The following VDAC3 variants were observed in gnomAD, a reference collection of about 807,000 sequenced individuals.
VDAC3 encodes voltage dependent anion channel 3.
A neutral mutation model predicts 33.9 loss-of-function variants in VDAC3; 7 were observed. The observed-to-expected ratio is 0.21, with a 90% CI of 0.12 to 0.39. VDAC3 has a LOEUF of 0.39. VDAC3 is among the 10% of genes least tolerant of loss of function. The probability of loss-of-function intolerance (pLI) is 1.00; values close to 1 mark genes in which losing one functional copy is unlikely to be tolerated. For missense variants in VDAC3, 261 were observed against 334.5 expected (o/e 0.78, Z 1.71); for synonymous variants, 100 against 122.4 (o/e 0.82, Z 1.21).
intron 4 of VDAC3, chr8:42,397,288 G>C (rs1411138603): frequency 6.6e-6 from 1 of 151,874 alleles, no homozygotes; most frequent in East Asian, 1.9e-4. Flanking sequence ...TTTTTACTAA[G>C]GCCTTCCCCT....
At chr8:42,404,975 A>ATCT (rs754144864) in intron 9 of VDAC3, 51 bp downstream of exon 9, 2 of 1,530,830 alleles carry the variant, frequency 1.3e-6, no homozygotes, top group African/African-American at 1.4e-5. Flanking sequence ...GTGATAGAGA[A>ATCT]AACAATGAAA....
intron 7 of VDAC3, 176 bp downstream of exon 7, chr8:42,402,191 C>A: frequency 1.4e-6 from 1 of 690,856 alleles, no homozygotes; most frequent in Non-Finnish European, 2.4e-6. Context: ...GGTGTGCAGG[C>A]TGTGCTGCTG....
chr8:42,397,515 A>G (rs1268215018), intron 4 of VDAC3: 1 of 152,236 alleles, frequency 6.6e-6, no homozygotes, highest in Non-Finnish European at 1.5e-5. Context: ...CTAAAACAGG[A>G]CCAATCAGAA....
In VDAC3 at chr8:42,405,457, G is replaced by C; in HGVS notation, c.847G>C (p.Ala283Pro). The C allele has an allele frequency of 6.2e-7, 1 of 1,611,828 alleles. No individual in the cohort carries two copies. Among genetic ancestry groups the C allele is most frequent in the South Asian group, 1.1e-5 (1 of 90,976 alleles). Reference sequence around the variant, plus strand: ...GGTTGGCTTGGGATTTGAACTGGAAGCTTAATGTGGTTTGAGGAAAGCATC... The same window carrying C: ...GGTTGGCTTGGGATTTGAACTGGAACCTTAATGTGGTTTGAGGAAAGCATC... Reference protein sequence around the residue: ...HKVGLGFELEA With the variant: ...HKVGLGFELEP Residue 283 changes from alanine (A) to proline (P), a missense_variant, in exon 10 of 10, where the codon GCT becomes CCT. Transcript: ENST00000022615.
In VDAC3 at chr8:42,401,991, C is replaced by T. The variant is rs145434590; in HGVS notation, c.527C>T (p.Ala176Val). 1.4e-5 allele frequency: 23 copies of T among 1,614,208 alleles called. No individual in the cohort carries two copies. The Admixed American group carries it at 1.7e-4, about 12-fold the overall frequency. Residue 176 changes from alanine to valine, a missense_variant, in exon 7 of 10, where the codon GCG (alanine) becomes GTG (valine). Transcript: ENST00000022615. ...QNNFALGYKAADFQLHTHVND... is the reference protein window; with the variant it reads ...QNNFALGYKAVDFQLHTHVND... ...AATTTCGCCCTGGGTTACAAGGCTGCGGACTTCCAGCTGCACACACATGTG... is the reference window on the plus strand; with the variant it reads ...AATTTCGCCCTGGGTTACAAGGCTGTGGACTTCCAGCTGCACACACATGTG...
chr8:42,396,763 T>C (rs909898075), intron 4 of VDAC3: 10 of 654,174 alleles, frequency 1.5e-5, no homozygotes, highest in Admixed American at 1.4e-4. Flanking sequence ...ATTTCAATCA[T>C]TGTTCCAAAT....
At chr8:42,392,496 C>A (rs759203278) in intron 1 of VDAC3, among the ~76,000 whole-genome samples, 23 of 152,196 alleles carry the variant, frequency 1.5e-4, no homozygotes, top group Non-Finnish European at 2.9e-4. Flanking sequence ...TAGCTTTACT[C>A]TCGAGGAACA....
In VDAC3 at chr8:42,399,657, GA is replaced by G; in HGVS notation, c.279del (p.Leu95Ter). ...TEISWENKLA[E>X]GLKLTLDTIF... Reference sequence around the variant, plus strand: ...TTAAATCTTTGTTTTTCAGTTGGCTGAAGGGTTGAAACTGACTCTTGATACC... The same window carrying G: ...TTAAATCTTTGTTTTTCAGTTGGCTGAGGGTTGAAACTGACTCTTGATACC... On this transcript the variant is annotated frameshift_variant, in exon 6 of 10. Transcript: ENST00000022615. LOFTEE classifies it high-confidence loss of function. 1 of 1,610,082 alleles carries G rather than the reference GA, an allele frequency of 6.2e-7. No homozygotes were observed. Among genetic ancestry groups the G allele is most frequent in the Non-Finnish European group, 8.5e-7 (1 of 1,177,722 alleles).
In VDAC3 at chr8:42,395,147, A is replaced by G. The variant is rs747533993; in HGVS notation, c.117+14A>G. 1.9e-6 allele frequency: 3 copies of G among 1,613,674 alleles called. No homozygotes were observed. The highest frequency in any genetic ancestry group is 1.1e-5 in the South Asian group (1 of 91,060). On this transcript the variant is annotated intron_variant, in intron 4 of 9. Transcript: ENST00000022615. ...TGTAGTGGAGTGGTGAGTATCTAAT[A>G]TATTTTTAATGAATGTAACATAATT...
chr8:42,402,582 G>A (rs966217392), intron 7 of VDAC3, among the ~76,000 whole-genome samples: 8 of 152,146 alleles, frequency 5.3e-5, no homozygotes, highest in African/African-American at 7.2e-5. Flanking sequence ...GAACTTTTAC[G>A]TAGTATTTTA....
At chr8:42,398,365 TAC>T (rs1442753958) in intron 4 of VDAC3, among the ~76,000 whole-genome samples, 5 of 152,252 alleles carry the variant, frequency 3.3e-5, no homozygotes, top group Admixed American at 3.3e-4. Flanking sequence ...AGGCTGGGAC[TAC>T]AGTCACGTGC....
At chr8:42,403,622 T>C (rs1176737320) in intron 8 of VDAC3, among the ~76,000 whole-genome samples, 161 bp downstream of exon 8, 1 of 152,240 alleles carries the variant, frequency 6.6e-6, no homozygotes, top group African/African-American at 2.4e-5. Context: ...ACGCCTGTAT[T>C]CCCAGCACTT....
Position 42,398,590 on chromosome 8 carries a change from G to C in VDAC3, c.118-122G>C, listed in dbSNP as rs1002643736. On this transcript the variant is annotated intron_variant, in intron 4 of 9. Coordinates refer to ENST00000022615, the MANE Select transcript of VDAC3 (RefSeq NM_005662.7). ...GGAAAGGAGGAAAGAAGTTGCTCTAGAGTAGGGCTGTGGCAAGCAGTAAAT... is the reference window on the plus strand; with the variant it reads ...GGAAAGGAGGAAAGAAGTTGCTCTACAGTAGGGCTGTGGCAAGCAGTAAAT... 1.7e-5 allele frequency: 18 copies of C among 1,055,676 alleles called. No homozygotes were observed. The Admixed American group carries it at 4.5e-4, about 26-fold the overall frequency. 65.4% of individuals were successfully genotyped at this position (1,055,676 alleles called of 1,614,324 possible). A position where few individuals can be genotyped will look rare whatever the true frequency, so the allele number is the denominator to read the frequency against.
rs1241822073 is a variant in VDAC3 at position 42,398,976 on chromosome 8, A to AT, written c.270+118dup. The AT allele has an allele frequency of 7.8e-6, 10 of 1,283,842 alleles. No individual in the cohort carries two copies. In the Admixed American group the frequency reaches 1.6e-4, roughly 20 times the overall value. The allele number at this position is 1,283,842 out of a possible 1,614,324, so 79.5% of individuals were successfully genotyped here. ...ATCTTACAACCTATCTAGTAGCCAT[A>AT]TTTTTTCTCTGCATGTGGCCTTTTT... On this transcript the variant is annotated intron_variant, in intron 5 of 9. Transcript: ENST00000022615.
chr8:42,402,520 A>C lies in VDAC3; in HGVS notation c.551+505A>C, dbSNP rs189280436. On this transcript the variant is annotated intron_variant, in intron 7 of 9. Transcript: ENST00000022615. ...ATTCAGAAGTAACAGGTGCTCTGAA[A>C]GAGTCCTGGGATTCAGTTATGTAGG... 3.0e-3 allele frequency among the ~76,000 whole-genome samples: 458 copies of C among 152,312 alleles called. 1 individual carries two copies. Among genetic ancestry groups the C allele is most frequent in the African/African-American group, 0.011 (441 of 41,566 alleles).
rs1016901781 is a variant in VDAC3 at position 42,405,618 on chromosome 8, G to A, written c.*156G>A. ...CTCCCCACACTGAAGTCTAGGGGTT[G>A]CGAATCCCTCCTGAGGGAGATGCTT... is the stretch of plus-strand genomic sequence containing the variant. On this transcript the variant is annotated 3_prime_UTR_variant, in exon 10 of 10. Coordinates refer to ENST00000022615, the MANE Select transcript of VDAC3 (RefSeq NM_005662.7). 3.2e-6 allele frequency: 2 copies of A among 625,238 alleles called. No homozygotes were observed. Among genetic ancestry groups the A allele is most frequent in the Non-Finnish European group, 5.6e-6 (2 of 360,260 alleles). The allele number at this position is 625,238 out of a possible 1,614,324, so 38.7% of individuals were successfully genotyped here.
At chr8:42,402,045 CAG>C in intron 7 of VDAC3, 30 bp downstream of exon 7, 1 of 1,603,512 alleles carries the variant, frequency 6.2e-7, no homozygotes, top group Non-Finnish European at 8.5e-7. Flanking sequence ...TCCTTAGTAT[CAG>C]TGCAGTTGCC....
At chr8:42,401,283 G>C (rs1483453993) in intron 6 of VDAC3, among the ~76,000 whole-genome samples, 1 of 151,896 alleles carries the variant, frequency 6.6e-6, no homozygotes, top group African/African-American at 2.4e-5. Flanking sequence ...TGCAACCTCT[G>C]CCTCCCAGGT....
At position 42,403,308 on chromosome 8, in the gene VDAC3, C is replaced by T; in HGVS notation, c.552-3C>T. The T allele has an allele frequency of 3.1e-6, 5 of 1,613,814 alleles. No individual in the cohort carries two copies. Among genetic ancestry groups the T allele is most frequent in the Non-Finnish European group, 4.2e-6 (5 of 1,179,954 alleles). On this transcript the variant is annotated splice_polypyrimidine_tract_variant and splice_region_variant and intron_variant, in intron 7 of 9. Coordinates refer to ENST00000022615, the MANE Select transcript of VDAC3 (RefSeq NM_005662.7). ...TATGACGTTTTCTTATCTATGAAAA[C>T]AGGAACGATGGCACTGAATTTGGAG...
Sources: gnomAD v4.1 joint callset for allele counts (sites outside exome capture counted in the v4.1 genomes callset) on GRCh38, gnomAD v4.1.1 for gene constraint, MANE v1.5 for transcripts, NCBI Gene and HGNC (gene_info 2026-07-23, HGNC 2026-07-21) for gene names.